LRCH1: variants seen among roughly 807,000 people sequenced by gnomAD.
LRCH1 encodes leucine rich repeats and calponin homology domain containing 1.
A neutral mutation model predicts 94.9 loss-of-function variants in LRCH1; 23 were observed. The ratio of observed to expected loss-of-function variants is 0.24; its 90% CI spans 0.17 to 0.34. The LOEUF (loss-of-function observed/expected upper bound fraction) is 0.34. Ranked by LOEUF, LRCH1 falls within the 10% of genes least tolerant of loss-of-function variation. LRCH1 has a pLI of 1.00. For synonymous variants in LRCH1, 364 were observed against 354.9 expected (o/e 1.03, Z -0.29); for missense variants, 790 against 945.9 (o/e 0.84, Z 2.16).
intron 13 of LRCH1, among the ~76,000 whole-genome samples, chr13:46,706,341 G>T (rs529372290): frequency 6.6e-6 from 1 of 152,276 alleles, no homozygotes; most frequent in South Asian, 2.1e-4. Flanking sequence ...ATAATATAGG[G>T]TACCTAAATG....
chr13:46,747,618 C>T (rs1216985), downstream of LRCH1, among the ~76,000 whole-genome samples: 102,334 of 152,236 alleles, frequency 0.67, 35,012 homozygotes, highest in African/African-American at 0.79. Context: ...TCGTGCTGCA[C>T]TGCCTTAGGC....
At chr13:46,657,495 CTTTTCTTTTTTTT>C (rs2051387007) in intron 2 of LRCH1, among the ~76,000 whole-genome samples, 3 of 16,810 alleles carry the variant, frequency 1.8e-4, no homozygotes, top group African/African-American at 6.1e-4. Context: ...TTTTTCTTTT[CTTTTCTTTTTTTT>C]TTTTTTTTTT....
At chr13:46,607,515 A>G (rs917136784) in intron 1 of LRCH1, among the ~76,000 whole-genome samples, 8 of 152,208 alleles carry the variant, frequency 5.3e-5, no homozygotes, top group African/African-American at 1.9e-4. Flanking sequence ...TGGAAATACC[A>G]TGTGCATAAA....
At chr13:46,614,211 T>G (rs1378289212) in intron 1 of LRCH1, among the ~76,000 whole-genome samples, 2 of 152,186 alleles carry the variant, frequency 1.3e-5, no homozygotes, top group African/African-American at 2.4e-5. Context: ...TACTCTAGAT[T>G]TTTTCATCCA....
chr13:46,633,677 C>T (rs1412721571), intron 1 of LRCH1, among the ~76,000 whole-genome samples: 6 of 152,096 alleles, frequency 3.9e-5, no homozygotes, highest in African/African-American at 7.2e-5. Context: ...GGTGACATCA[C>T]GTGTGGTAAC....
chr13:46,713,176 T>C (rs1872158859), intron 15 of LRCH1, among the ~76,000 whole-genome samples: 1 of 152,252 alleles, frequency 6.6e-6, no homozygotes, highest in South Asian at 2.1e-4. Flanking sequence ...TACAAAATAA[T>C]GGTTGCTTTT....
chr13:46,602,583 G>C (rs1309425524), intron 1 of LRCH1, among the ~76,000 whole-genome samples: 1 of 152,170 alleles, frequency 6.6e-6, no homozygotes, highest in Non-Finnish European at 1.5e-5. Context: ...TTTATGCAAA[G>C]CTCTTAGCAC....
At chr13:46,569,626 C>A (rs542469713) in intron 1 of LRCH1, among the ~76,000 whole-genome samples, 2 of 152,082 alleles carry the variant, frequency 1.3e-5, no homozygotes, top group African/African-American at 4.8e-5. Flanking sequence ...GCTTGCCCAC[C>A]GAGGCTCAGC....
intron 16 of LRCH1, among the ~76,000 whole-genome samples, chr13:46,720,132 A>T (rs1012332452): frequency 6.6e-6 from 1 of 151,120 alleles, no homozygotes; most frequent in Non-Finnish European, 1.5e-5. Context: ...CACGCCTGTA[A>T]TCCCAGCACT....
At chr13:46,704,255 A>G (rs759422309) in intron 11 of LRCH1, among the ~76,000 whole-genome samples, 7 of 152,152 alleles carry the variant, frequency 4.6e-5, no homozygotes, top group Non-Finnish European at 1.0e-4. Context: ...TTAGTAATAA[A>G]AAAGTTTACA....
intron 1 of LRCH1, among the ~76,000 whole-genome samples, chr13:46,572,010 A>G (rs1030444533): frequency 1.3e-5 from 2 of 151,986 alleles, no homozygotes; most frequent in Admixed American, 1.3e-4. Flanking sequence ...GGGTCTTCTC[A>G]CTGCTCCCAA....
intron 1 of LRCH1, among the ~76,000 whole-genome samples, chr13:46,642,915 T>TA (rs11387989): frequency 0.12 from 17,744 of 151,864 alleles, 1,154 homozygotes; most frequent in East Asian, 0.23. Context: ...TTTAGGATGT[T>TA]AAAAAAAACT....
chr13:46,680,936 T>G (rs1232996099), intron 3 of LRCH1, among the ~76,000 whole-genome samples: 1 of 151,882 alleles, frequency 6.6e-6, no homozygotes, highest in Non-Finnish European at 1.5e-5. Context: ...ACTGCAGGAG[T>G]AGCTGGGGGT....
chr13:46,615,409 G>A (rs944028384), intron 1 of LRCH1, among the ~76,000 whole-genome samples: 2 of 152,086 alleles, frequency 1.3e-5, no homozygotes, highest in African/African-American at 4.8e-5. Flanking sequence ...GCAAGGACAG[G>A]ACCAAGCCAT....
At position 46,567,258 on chromosome 13, in the gene LRCH1, A is replaced by AC. The variant is rs1433374574; in HGVS notation, c.307+13555_307+13556insC. Among the ~76,000 whole-genome samples the AC allele has an allele frequency of 3.9e-5, 6 of 152,250 alleles. No homozygotes were observed. The East Asian group carries it at 1.2e-3, about 29-fold the overall frequency. On this transcript the variant is annotated intron_variant, in intron 1 of 19. Coordinates refer to ENST00000389797, the MANE Select transcript of LRCH1 (RefSeq NM_001164211.2). The stretch of plus-strand genomic sequence containing the variant: ...GTAATAAGAATCATCAATTTGACAT[A>AC]TAAAAATATGTTTTATTTTGTAATA...
intron 1 of LRCH1, among the ~76,000 whole-genome samples, chr13:46,577,350 G>A (rs894110745): frequency 2.6e-4 from 40 of 152,006 alleles, no homozygotes; most frequent in African/African-American, 8.7e-4. Flanking sequence ...CACCCACCTC[G>A]GCCTCCCAAA....
intron 17 of LRCH1, among the ~76,000 whole-genome samples, chr13:46,727,091 A>G (rs1368576200): frequency 6.6e-6 from 1 of 152,236 alleles, no homozygotes; most frequent in Non-Finnish European, 1.5e-5. Flanking sequence ...GCCATGATGA[A>G]AATGCTTCGG....
At chr13:46,627,822 C>T (rs888717617) in intron 1 of LRCH1, among the ~76,000 whole-genome samples, 1 of 152,118 alleles carries the variant, frequency 6.6e-6, no homozygotes, top group African/African-American at 2.4e-5. Flanking sequence ...CTTTTTGGAT[C>T]CGTGTAATTT....
chr13:46,701,348 G>T, intron 11 of LRCH1, 141 bp downstream of exon 11: 1 of 568,034 alleles, frequency 1.8e-6, no homozygotes, highest in Non-Finnish European at 3.1e-6. Flanking sequence ...CATGTTTATT[G>T]CCTGTTTTCC....
Sources: allele counts gnomAD v4.1 joint callset (sites outside exome capture counted in the v4.1 genomes callset), GRCh38; gene constraint gnomAD v4.1.1; transcripts MANE v1.5; gene names NCBI Gene and HGNC (gene_info 2026-07-23, HGNC 2026-07-21).